The following GRIK1 variants were observed in gnomAD, a reference collection of about 807,000 sequenced individuals.
GRIK1 encodes the protein glutamate ionotropic receptor kainate type subunit 1, also known as glutamate receptor ionotropic, kainate 1.
Under a neutral mutation model 105.7 loss-of-function variants are expected in GRIK1, and 69 were observed. The observed-to-expected ratio is 0.65, with a 90% CI of 0.54 to 0.80. The LOEUF (loss-of-function observed/expected upper bound fraction) is 0.80. Among genes scored for constraint, GRIK1 ranks in the 30% least tolerant of loss-of-function variants. The probability of loss-of-function intolerance (pLI) is 0.00; values close to 1 mark genes in which losing one functional copy is unlikely to be tolerated. For synonymous variants in GRIK1, 438 were observed against 431.3 expected (o/e 1.02, Z -0.19); for missense variants, 1,109 against 1,167.3 (o/e 0.95, Z 0.73).
intron 14 of GRIK1, among the ~76,000 whole-genome samples, chr21:29,566,560 A>G (rs542868617): frequency 6.6e-6 from 1 of 152,264 alleles, no homozygotes; most frequent in South Asian, 2.1e-4. Flanking sequence ...AACATTATTT[A>G]TTTCTTTTTT....
At chr21:29,814,358 C>T (rs2067096689) in intron 1 of GRIK1, among the ~76,000 whole-genome samples, 1 of 151,974 alleles carries the variant, frequency 6.6e-6, no homozygotes, top group South Asian at 2.1e-4. Context: ...TTACTCAATA[C>T]ATTTCTTATG....
At chr21:29,875,409 C>T (rs1231355170) in intron 1 of GRIK1, among the ~76,000 whole-genome samples, 2 of 152,162 alleles carry the variant, frequency 1.3e-5, no homozygotes, top group African/African-American at 4.8e-5. Flanking sequence ...TTTTCAATTT[C>T]TTTCCACTGC....
chr21:29,900,214 A>T (rs2070343471), intron 1 of GRIK1, among the ~76,000 whole-genome samples: 2 of 152,088 alleles, frequency 1.3e-5, no homozygotes, highest in African/African-American at 4.8e-5. Context: ...CTATGAAGAA[A>T]CTGCATCAAT....
intron 1 of GRIK1, among the ~76,000 whole-genome samples, chr21:29,749,903 T>C (rs1361550080): frequency 6.6e-6 from 1 of 152,210 alleles, no homozygotes; most frequent in Non-Finnish European, 1.5e-5. Context: ...TTATGAAAAG[T>C]GTAAATTTCT....
At chr21:29,598,763 C>A in intron 8 of GRIK1, 67 bp downstream of exon 8, 1 of 714,626 alleles carries the variant, frequency 1.4e-6, no homozygotes, top group South Asian at 1.9e-5. Flanking sequence ...CTTGTCTTTG[C>A]AATTTAGTAA....
intron 7 of GRIK1, among the ~76,000 whole-genome samples, chr21:29,616,786 A>T (rs769888963): frequency 6.6e-6 from 1 of 152,228 alleles, no homozygotes; most frequent in South Asian, 2.1e-4. Flanking sequence ...GTGAGAAAAA[A>T]AACTGCTTGA....
At chr21:29,716,951 C>T (rs762991077) in intron 1 of GRIK1, among the ~76,000 whole-genome samples, 3 of 152,120 alleles carry the variant, frequency 2.0e-5, no homozygotes, top group East Asian at 1.9e-4. Flanking sequence ...TGTGGTCTCC[C>T]GCTCTGTACA....
intron 7 of GRIK1, among the ~76,000 whole-genome samples, chr21:29,631,840 A>C (rs2146485269): frequency 6.6e-6 from 1 of 152,342 alleles, no homozygotes; most frequent in East Asian, 1.9e-4. Context: ...TAAAAACTCT[A>C]ATATATATGC....
intron 1 of GRIK1, chr21:29,760,327 G>T (rs1184382111): frequency 6.6e-6 from 1 of 152,320 alleles, no homozygotes; most frequent in African/African-American, 2.4e-5. Flanking sequence ...TGGCAAGAGA[G>T]TAAAGGTGGC....
rs2062544031 is a variant in GRIK1, at chr21:29,642,952, C to T, written c.972G>A (p.Met324Ile). 1.2e-6 allele frequency: 2 copies of T among 1,614,020 alleles called. No homozygotes were observed. Among genetic ancestry groups the T allele is most frequent in the Non-Finnish European group, 8.5e-7 (1 of 1,179,936 alleles). The change falls in exon 7 of 18, where the codon ATG (methionine) becomes ATA (isoleucine). Residue 324 changes from methionine to isoleucine, a missense_variant. Physicochemically the swap from Met to Ile is conservative, Grantham distance 10. Around this residue, in one of 5 missense-constraint regions of GRIK1, gnomAD observed 612 missense variants for 586.0 expected, o/e 1.04. Transcript: ENST00000327783. The part of the protein sequence containing the change: ...DGMMTTEAAL[M>I]YDAVYMVAIA... ...TGGCCACCATGTACACAGCATCGTA[C>T]ATCAGAGCCGCTTCAGTCTGTGGAG...
chr21:29,760,783 G>T (rs1049660036), intron 1 of GRIK1, among the ~76,000 whole-genome samples: 1 of 152,198 alleles, frequency 6.6e-6, no homozygotes, highest in Admixed American at 6.5e-5. Flanking sequence ...TAAAGCTGTA[G>T]ATATAAGCAC....
intron 7 of GRIK1, among the ~76,000 whole-genome samples, chr21:29,629,998 T>C (rs1156607475): frequency 1.3e-5 from 2 of 152,116 alleles, no homozygotes; most frequent in African/African-American, 4.8e-5. Flanking sequence ...TTTTTTGAGA[T>C]ACATCCTTGC....
intron 1 of GRIK1, among the ~76,000 whole-genome samples, chr21:29,781,088 T>C (rs551876595): frequency 3.3e-5 from 5 of 152,284 alleles, no homozygotes; most frequent in African/African-American, 1.2e-4. Context: ...AGCATTAAAA[T>C]GCTCATTTTA....
chr21:29,855,357 A>G (rs1277898060), intron 1 of GRIK1, among the ~76,000 whole-genome samples: 1 of 152,252 alleles, frequency 6.6e-6, no homozygotes, highest in Non-Finnish European at 1.5e-5. Context: ...CTGCAACTTC[A>G]GATGGCCAGC....
At chr21:29,554,926 C>T in intron 16 of GRIK1, 126 bp downstream of exon 16, 1 of 735,774 alleles carries the variant, frequency 1.4e-6, no homozygotes, top group Non-Finnish European at 2.2e-6. Flanking sequence ...TGCTCTAACT[C>T]AAAAATGGCT....
chr21:29,803,192 C>T (rs749973299), intron 1 of GRIK1, among the ~76,000 whole-genome samples: 2 of 151,968 alleles, frequency 1.3e-5, no homozygotes, highest in Non-Finnish European at 2.9e-5. Flanking sequence ...CCATGTTCTT[C>T]TATGTGAGAT....
intron 7 of GRIK1, among the ~76,000 whole-genome samples, chr21:29,620,788 T>G (rs1357853518): frequency 1.8e-5 from 2 of 111,344 alleles, no homozygotes; most frequent in African/African-American, 4.9e-5. Flanking sequence ...TATAGATATA[T>G]ATATCTATAT....
intron 1 of GRIK1, among the ~76,000 whole-genome samples, chr21:29,695,751 G>T (rs1241834504): frequency 6.6e-6 from 1 of 152,116 alleles, no homozygotes; most frequent in Non-Finnish European, 1.5e-5. Flanking sequence ...GGGATTACAG[G>T]CATGAGCCAC....
intron 15 of GRIK1, among the ~76,000 whole-genome samples, chr21:29,560,833 C>T (rs1276345267): frequency 6.6e-6 from 1 of 151,958 alleles, no homozygotes; most frequent in African/African-American, 2.4e-5. Flanking sequence ...ATCTCCTGAC[C>T]TCGTGATCTG....
Sources: gnomAD v4.1 joint callset for allele counts (sites outside exome capture counted in the v4.1 genomes callset) on GRCh38, gnomAD v4.1.1 for gene constraint, gnomAD v4.1.1 regional missense constraint, MANE v1.5 for transcripts, NCBI Gene and HGNC (gene_info 2026-07-23, HGNC 2026-07-21) for gene names.